SAXO1: variants seen among roughly 807,000 people sequenced by gnomAD.
The protein encoded by SAXO1 is 4930500O09Rik.
In SAXO1, 21 loss-of-function variants were observed where a neutral mutation model predicts 17.5. The observed-to-expected ratio is 1.20, with a 90% confidence interval of 0.85 to 1.72. The LOEUF is 1.72. Among genes scored for constraint, SAXO1 ranks in the 40% most tolerant of loss-of-function variants. The pLI, the probability that SAXO1 is intolerant of heterozygous loss-of-function variation, is 0.00. For synonymous variants in SAXO1, 274 were observed against 216.5 expected, an observed-to-expected ratio of 1.27 and a Z score of -2.33; for missense variants, 843 against 596.0, an observed-to-expected ratio of 1.41 and a Z score of -4.32.
At chr9:19,016,763 C>T (rs536982090) in intron 1 of SAXO1, among the ~76,000 whole-genome samples, 49 of 147,940 alleles carry the variant, frequency 3.3e-4, no homozygotes, top group Non-Finnish European at 6.4e-4. Context: ...TATTATTTTT[C>T]GCTAGCCATT....
At chr9:19,011,133 A>G (rs1330887511) in intron 1 of SAXO1, among the ~76,000 whole-genome samples, 1 of 152,212 alleles carries the variant, frequency 6.6e-6, no homozygotes, top group Non-Finnish European at 1.5e-5. Flanking sequence ...AAAGTTAAGT[A>G]TTCTACTTAC....
At chr9:19,038,662 C>A (rs564114133) in intron 1 of SAXO1, among the ~76,000 whole-genome samples, 135 of 150,454 alleles carry the variant, frequency 9.0e-4, no homozygotes, top group African/African-American at 3.1e-3. Flanking sequence ...TGCTAAATGA[C>A]GAGTTAATGG....
chr9:18,933,056 A>T (rs1297185545), intron 3 of SAXO1, among the ~76,000 whole-genome samples: 1 of 152,182 alleles, frequency 6.6e-6, no homozygotes, highest in African/African-American at 2.4e-5. Flanking sequence ...TAGAACCTCC[A>T]ATACAATATT....
At chr9:19,033,736 G>C (rs1383538110), upstream of SAXO1, among the ~76,000 whole-genome samples, 1 of 152,166 alleles carries the variant, frequency 6.6e-6, no homozygotes, top group East Asian at 1.9e-4. Context: ...CTTGAAGCAG[G>C]CGTTCTCAAA....
chr9:18,939,989 G>C (rs938026331), intron 3 of SAXO1, among the ~76,000 whole-genome samples: 1 of 152,162 alleles, frequency 6.6e-6, no homozygotes, highest in Non-Finnish European at 1.5e-5. Flanking sequence ...TAGACATGGG[G>C]AAAACAGGAT....
At chr9:19,033,423 A>G (rs1246555825), upstream of SAXO1, among the ~76,000 whole-genome samples, 2 of 152,268 alleles carry the variant, frequency 1.3e-5, no homozygotes, top group Non-Finnish European at 2.9e-5. Context: ...CTCCTGGTGC[A>G]GTAAACGGTC....
chr9:19,044,138 TAA>T (rs34434046), intron 1 of SAXO1, among the ~76,000 whole-genome samples: 13 of 146,964 alleles, frequency 8.8e-5, no homozygotes, highest in South Asian at 2.2e-4. Flanking sequence ...GACTCTGTCT[TAA>T]AAAAAAAAAA....
intron 1 of SAXO1, among the ~76,000 whole-genome samples, chr9:19,012,151 A>AT (rs927875992): frequency 1.4e-4 from 22 of 152,158 alleles, no homozygotes; most frequent in East Asian, 7.7e-4. Flanking sequence ...GCAAGGATAG[A>AT]TTTTTTTTAA....
At chr9:19,007,773 A>G (rs1162592748) in intron 1 of SAXO1, among the ~76,000 whole-genome samples, 2 of 152,224 alleles carry the variant, frequency 1.3e-5, no homozygotes, top group Non-Finnish European at 2.9e-5. Flanking sequence ...AAATAGTTGA[A>G]AAATTAACAG....
At chr9:18,951,942 C>T (rs533450419) in intron 1 of SAXO1, among the ~76,000 whole-genome samples, 11 of 152,080 alleles carry the variant, frequency 7.2e-5, no homozygotes, top group Middle Eastern at 3.2e-3. Flanking sequence ...TGAGTGTATA[C>T]GTGAATAATT....
intron 1 of SAXO1, among the ~76,000 whole-genome samples, chr9:18,971,340 C>A (rs1832934284): frequency 6.6e-6 from 1 of 152,132 alleles, no homozygotes; most frequent in Non-Finnish European, 1.5e-5. Flanking sequence ...AACAGATAAC[C>A]AAAATCTCAA....
intron 1 of SAXO1, among the ~76,000 whole-genome samples, chr9:18,970,128 G>A (rs1832892379): frequency 1.3e-5 from 2 of 152,202 alleles, no homozygotes; most frequent in Non-Finnish European, 2.9e-5. Context: ...GGAAAGCAGG[G>A]TGTGTAAACA....
chr9:19,015,688 A>G (rs1025562081), intron 1 of SAXO1, among the ~76,000 whole-genome samples: 1 of 147,882 alleles, frequency 6.8e-6, no homozygotes, highest in African/African-American at 2.5e-5. Context: ...TATGTGGCCC[A>G]GGCTAGTCTG....
chr9:19,037,226 T>C (rs1835964072), upstream of SAXO1, among the ~76,000 whole-genome samples: 1 of 152,226 alleles, frequency 6.6e-6, no homozygotes, highest in South Asian at 2.1e-4. Context: ...ACTTGCCTTG[T>C]CTCAGATGAA....
At chr9:19,017,806 C>A (rs1835048643) in intron 1 of SAXO1, among the ~76,000 whole-genome samples, 1 of 152,078 alleles carries the variant, frequency 6.6e-6, no homozygotes, top group African/African-American at 2.4e-5. Context: ...CTAAGAACAC[C>A]AAAACAAAAA....
At chr9:19,025,040 G>C (rs943290625) in intron 1 of SAXO1, among the ~76,000 whole-genome samples, 1 of 152,134 alleles carries the variant, frequency 6.6e-6, no homozygotes, top group East Asian at 1.9e-4. Flanking sequence ...ATACCCACTT[G>C]TACTCATTTT....
intron 1 of SAXO1, among the ~76,000 whole-genome samples, chr9:19,015,046 G>C (rs977596674): frequency 1.3e-5 from 2 of 152,304 alleles, no homozygotes; most frequent in African/African-American, 4.8e-5. Flanking sequence ...TTCTGCTGAT[G>C]ATGATGAAGG....
At chr9:19,017,811 C>CA (rs1173731837) in intron 1 of SAXO1, among the ~76,000 whole-genome samples, 6 of 152,144 alleles carry the variant, frequency 3.9e-5, no homozygotes, top group Non-Finnish European at 7.4e-5. Context: ...AACACCAAAA[C>CA]AAAAACCTTA....
intron 1 of SAXO1, among the ~76,000 whole-genome samples, chr9:19,024,384 C>A (rs1380750691): frequency 1.3e-5 from 2 of 151,334 alleles, no homozygotes; most frequent in South Asian, 2.1e-4. Context: ...TAGGTGGGAA[C>A]TGAACAATGA....
Sources: allele counts gnomAD v4.1 joint callset (sites outside exome capture counted in the v4.1 genomes callset), GRCh38; gene constraint gnomAD v4.1.1; transcripts MANE v1.5; gene names NCBI Gene and HGNC (gene_info 2026-07-23, HGNC 2026-07-21).